Variants in PDE9A observed in about 807,000 individuals in gnomAD.
PDE9A encodes high affinity cGMP-specific 3',5'-cyclic phosphodiesterase 9A.
A neutral mutation model predicts 87.4 loss-of-function variants in PDE9A; 60 were observed. The ratio of observed to expected loss-of-function variants is 0.69; its 90% CI spans 0.56 to 0.85. The LOEUF (loss-of-function observed/expected upper bound fraction) is 0.85, where lower values mean the gene tolerates loss of function less well. Ranked by LOEUF, PDE9A falls within the 40% of genes least tolerant of loss-of-function variation. The pLI, the probability that PDE9A is intolerant of heterozygous loss-of-function variation, is 0.00. For missense variants in PDE9A, 665 were observed against 779.0 expected (o/e 0.85, Z 1.74); for synonymous variants, 272 against 279.4 (o/e 0.97, Z 0.27).
intron 15 of PDE9A, among the ~76,000 whole-genome samples, chr21:42,767,751 A>G (rs1443963426): frequency 1.3e-5 from 2 of 152,130 alleles, no homozygotes; most frequent in African/African-American, 2.4e-5. Flanking sequence ...CTCTTGTCCT[A>G]TGGCGACATC....
intron 19 of PDE9A, among the ~76,000 whole-genome samples, chr21:42,772,787 C>G (rs1412972571): frequency 6.6e-6 from 1 of 151,800 alleles, no homozygotes; most frequent in Non-Finnish European, 1.5e-5. Flanking sequence ...GCATGAGCCA[C>G]CATGCCTGGC....
chr21:42,743,287 G>A (rs769385772), intron 7 of PDE9A, among the ~76,000 whole-genome samples: 5 of 152,232 alleles, frequency 3.3e-5, no homozygotes, highest in Non-Finnish European at 5.9e-5. Flanking sequence ...AAACTGCTCT[G>A]GAAGGACGTT....
Position 42,759,316 on chromosome 21 carries a change from G to A in PDE9A, c.897+231G>A, listed in dbSNP as rs1212068593. Among the ~76,000 whole-genome samples the A allele has an allele frequency of 6.6e-6, 1 of 152,108 alleles. No homozygotes were observed. Among genetic ancestry groups the A allele is most frequent in the Non-Finnish European group, 1.5e-5 (1 of 68,026 alleles). ...CTCCTGCTCTGATAAGCAAGGAGTA[G>A]CTTATCAGTGAGACTCTGCCATCAT... On this transcript the variant is annotated intron_variant, in intron 11 of 19. Transcript: ENST00000291539. This position sits in a 1 kb window ranked among gnomAD's most constrained non-coding sequence, Gnocchi z 7.2.
intron 1 of PDE9A, among the ~76,000 whole-genome samples, chr21:42,662,279 GGTGCCGTGTCCGGGC>G (rs1163000487): frequency 1.3e-4 from 19 of 151,964 alleles, no homozygotes; most frequent in Non-Finnish European, 2.4e-4. Flanking sequence ...TCCCCAGCAC[GGTGCCGTGTCCGGGC>G]GTGCGTGAAG....
In PDE9A at chr21:42,760,720, G is replaced by T. The variant is rs1167386987; in HGVS notation, c.1003-105G>T. ...GCCAGGAGATGCCAGATGGCTGCAG[G>T]GGCCTTTGTCCCCCGCTTACCACTC... On this transcript the variant is annotated intron_variant, in intron 12 of 19. Coordinates refer to ENST00000291539, the MANE Select transcript of PDE9A (RefSeq NM_002606.3). This position sits in a 1 kb window ranked among gnomAD's most constrained non-coding sequence, Gnocchi z 5.2. The T allele has an allele frequency of 9.4e-6, 7 of 742,062 alleles. No homozygotes were observed. Among genetic ancestry groups the T allele is most frequent in the Non-Finnish European group, 1.7e-5 (7 of 410,414 alleles). The allele number at this position is 742,062 out of a possible 1,614,324, so 46.0% of individuals were successfully genotyped here. A position where few individuals can be genotyped will look rare whatever the true frequency, so the allele number is the denominator to read the frequency against.
chr21:42,753,373 G>A (rs2054634129), intron 9 of PDE9A, among the ~76,000 whole-genome samples: 2 of 152,176 alleles, frequency 1.3e-5, no homozygotes, highest in African/African-American at 2.4e-5. Context: ...TAGGCTTGGA[G>A]TACAGTGAAT....
At chr21:42,751,744 CTTT>C (rs33940532) in intron 9 of PDE9A, among the ~76,000 whole-genome samples, 2 of 122,398 alleles carry the variant, frequency 1.6e-5, no homozygotes, top group Admixed American at 8.8e-5. Flanking sequence ...GGCCCACCTG[CTTT>C]TTTTTTTTTT....
intron 1 of PDE9A, among the ~76,000 whole-genome samples, chr21:42,676,912 G>A (rs879721519): frequency 5.9e-5 from 9 of 152,214 alleles, no homozygotes; most frequent in Non-Finnish European, 1.3e-4. Context: ...AATGTAAGAT[G>A]CTCGAGAGGC....
intron 18 of PDE9A, 33 bp from the exon 19 acceptor site, chr21:42,772,406 C>G (rs1446527234): frequency 1.4e-6 from 2 of 1,461,566 alleles, no homozygotes; most frequent in Non-Finnish European, 1.9e-6. Flanking sequence ...GTCTCCTGCT[C>G]CCTGACTTGG....
At position 42,739,490 on chromosome 21, in the gene PDE9A, C is replaced by T. The variant is rs2052873329; in HGVS notation, c.569-4286C>T. Among the ~76,000 whole-genome samples the T allele has an allele frequency of 6.6e-6, 1 of 152,220 alleles. No individual in the cohort carries two copies. Among genetic ancestry groups the T allele is most frequent in the Non-Finnish European group, 1.5e-5 (1 of 68,036 alleles). ...CTCACCTCTGCCTCCTCCTGCAGAC[C>T]TCCCCGCCAGCCCCGTCATTTCATG... is the stretch of plus-strand genomic sequence containing the variant. On this transcript the variant is annotated intron_variant, in intron 7 of 19. Transcript: ENST00000291539. The surrounding 1 kb of genome is among the most constrained non-coding windows in gnomAD (Gnocchi z 4.1).
rs928371912 is a variant in PDE9A at position 42,675,750 on chromosome 21, C to T, written c.70-10442C>T. On this transcript the variant is annotated intron_variant, in intron 1 of 19. Coordinates refer to ENST00000291539, the MANE Select transcript of PDE9A (RefSeq NM_002606.3). The surrounding 1 kb of genome is among the most constrained non-coding windows in gnomAD (Gnocchi z 4.3). ...ACCCAGTCTCCCCTACTGGGACTGT[C>T]GTGCAAAATTATGGCCCAGTCTTAC... Among the ~76,000 whole-genome samples, 2 of 152,168 alleles carry T rather than the reference C, an allele frequency of 1.3e-5. No homozygotes were observed. The highest frequency in any genetic ancestry group is 2.4e-5 in the African/African-American group (1 of 41,432).
chr21:42,709,187 C>A (rs2049081995), intron 4 of PDE9A, among the ~76,000 whole-genome samples: 1 of 152,150 alleles, frequency 6.6e-6, no homozygotes, highest in Non-Finnish European at 1.5e-5. Flanking sequence ...TTATCCTCAG[C>A]AAATTAATGC....
At chr21:42,774,204 A>G (rs548317903) in intron 19 of PDE9A, among the ~76,000 whole-genome samples, 98 of 152,372 alleles carry the variant, frequency 6.4e-4, no homozygotes, top group South Asian at 1.7e-3. Context: ...TTCAAGAGAT[A>G]GTGCATCAAG....
In PDE9A at chr21:42,681,923, G is replaced by A. The variant is rs374264628; in HGVS notation, c.70-4269G>A. On this transcript the variant is annotated intron_variant, in intron 1 of 19. Coordinates refer to ENST00000291539, the MANE Select transcript of PDE9A (RefSeq NM_002606.3). Reference sequence around the variant, plus strand: ...TCAGGAAGCCCTATGGCCTCCTGACGAGGCAGCCTAGGGGTCCTCCCGTGG... The same window carrying A: ...TCAGGAAGCCCTATGGCCTCCTGACAAGGCAGCCTAGGGGTCCTCCCGTGG... 2.0e-5 allele frequency among the ~76,000 whole-genome samples: 3 copies of A among 152,302 alleles called. No individual in the cohort carries two copies. In the East Asian group the frequency reaches 5.8e-4, roughly 29 times the overall value.
intron 7 of PDE9A, among the ~76,000 whole-genome samples, chr21:42,740,593 GGA>G (rs2053043497): frequency 4.3e-5 from 2 of 46,970 alleles, no homozygotes; most frequent in Admixed American, 1.7e-4. Context: ...GTGGATGGAT[GGA>G]TGGATGGATG....
chr21:42,692,692 G>A lies in PDE9A; in HGVS notation c.218+4698G>A, dbSNP rs1160289209. On this transcript the variant is annotated intron_variant, in intron 3 of 19. Transcript: ENST00000291539. The surrounding 1 kb of genome is among the most constrained non-coding windows in gnomAD (Gnocchi z 4.3). ...GCCACTGATGCTCTTCTGACCCAGGGGCTTTTCTCTCCCGCTTCCGTCCCT... is the reference window on the plus strand; with the variant it reads ...GCCACTGATGCTCTTCTGACCCAGGAGCTTTTCTCTCCCGCTTCCGTCCCT... 1.3e-5 allele frequency among the ~76,000 whole-genome samples: 2 copies of A among 152,102 alleles called. No homozygotes were observed. The highest frequency in any genetic ancestry group is 2.9e-5 in the Non-Finnish European group (2 of 68,020).
intron 1 of PDE9A, among the ~76,000 whole-genome samples, chr21:42,669,216 A>C (rs2058242767): frequency 6.6e-6 from 1 of 152,162 alleles, no homozygotes; most frequent in African/African-American, 2.4e-5. Flanking sequence ...GCTGAAATCC[A>C]GGTGTGGGCA....
rs1460847457 is a variant in PDE9A, at chr21:42,694,552, T to G, written c.219-4416T>G. ...GTCTCTTAGAGCTTAAAACTCTAGC[T>G]TCTTCTCTGCTCCTCATTCCAAACT... On this transcript the variant is annotated intron_variant, in intron 3 of 19. Transcript: ENST00000291539. The surrounding 1 kb of genome is among the most constrained non-coding windows in gnomAD (Gnocchi z 5.3). Among the ~76,000 whole-genome samples the G allele has an allele frequency of 5.3e-5, 8 of 152,220 alleles. No homozygotes were observed. The highest frequency in any genetic ancestry group is 5.2e-4 in the Admixed American group (8 of 15,278).
Position 42,743,768 on chromosome 21 carries a change from G to C in PDE9A, c.569-8G>C, listed in dbSNP as rs768931327. 3.8e-6 allele frequency: 6 copies of C among 1,561,718 alleles called. No homozygotes were observed. The highest frequency in any genetic ancestry group is 3.5e-5 in the South Asian group (3 of 86,202). The stretch of plus-strand genomic sequence containing the variant: ...TAACCCCCTTGCTGTCTCTCTCTCT[G>C]TCACCAGTGGAAGGACTAAAAGTGG... On this transcript the variant is annotated splice_polypyrimidine_tract_variant and splice_region_variant and intron_variant, in intron 7 of 19. Transcript: ENST00000291539.
Sources: allele counts gnomAD v4.1 joint callset (sites outside exome capture counted in the v4.1 genomes callset), GRCh38; gene constraint gnomAD v4.1.1; non-coding constraint Gnocchi (gnomAD v3.1); transcripts MANE v1.5; gene names NCBI Gene and HGNC (gene_info 2026-07-23, HGNC 2026-07-21).